GALNT17: variants seen among roughly 807,000 people sequenced by gnomAD.
The protein encoded by GALNT17 is polypeptide N-acetylgalactosaminyltransferase 17.
GALNT17 carries 29 observed loss-of-function variants against 63.7 expected under a neutral mutation model. The ratio of observed to expected loss-of-function variants is 0.46; its 90% CI spans 0.34 to 0.62. GALNT17 has a LOEUF of 0.62. Among genes scored for constraint, GALNT17 ranks in the 20% least tolerant of loss-of-function variants. The pLI is 0.01. For synonymous variants in GALNT17, 305 were observed against 318.3 expected (o/e 0.96, Z 0.45); for missense variants, 603 against 799.6 (o/e 0.75, Z 2.97).
chr7:71,512,483 C>A (rs549948833), intron 5 of GALNT17, among the ~76,000 whole-genome samples: 21 of 152,176 alleles, frequency 1.4e-4, no homozygotes, highest in Non-Finnish European at 2.5e-4. Flanking sequence ...TCCAAGTCGT[C>A]CACCAGCCTT....
intron 5 of GALNT17, among the ~76,000 whole-genome samples, chr7:71,529,968 A>G (rs1205555837): frequency 6.6e-6 from 1 of 152,244 alleles, no homozygotes; most frequent in Non-Finnish European, 1.5e-5. Context: ...TTTTGTTTAA[A>G]AATAGAGATT....
chr7:71,455,753 G>C (rs1787344069), intron 5 of GALNT17, among the ~76,000 whole-genome samples: 1 of 152,188 alleles, frequency 6.6e-6, no homozygotes, highest in South Asian at 2.1e-4. Context: ...AAATATCACA[G>C]TGGCTAGGAG....
At position 71,288,213 on chromosome 7, in the gene GALNT17, C is replaced by T. The variant is rs999047605; in HGVS notation, c.239-47337C>T. Reference sequence around the variant, plus strand: ...CCTGGGCGACAGAGTGGGACTCCATCTCAAAAAAAAAAAAAAAAAAAAAAA... The same window carrying T: ...CCTGGGCGACAGAGTGGGACTCCATTTCAAAAAAAAAAAAAAAAAAAAAAA... On this transcript the variant is annotated intron_variant, in intron 1 of 10. Transcript: ENST00000333538. 1.0e-3 allele frequency among the ~76,000 whole-genome samples: 32 copies of T among 30,764 alleles called. No individual in the cohort carries two copies. In the Admixed American group the frequency reaches 0.011, roughly 11 times the overall value. 20.2% of individuals were successfully genotyped at this position (30,764 alleles called of 152,430 possible).
intron 1 of GALNT17, among the ~76,000 whole-genome samples, chr7:71,196,523 A>G (rs1363474028): frequency 6.6e-6 from 1 of 151,986 alleles, no homozygotes; most frequent in African/African-American, 2.4e-5. Context: ...GTCTCCTCCT[A>G]CTGAATTATT....
intron 5 of GALNT17, among the ~76,000 whole-genome samples, chr7:71,445,781 T>C (rs962336588): frequency 3.3e-5 from 5 of 152,178 alleles, no homozygotes; most frequent in Non-Finnish European, 7.3e-5. Context: ...CCACAGGACC[T>C]TGGGCGGGAA....
intron 1 of GALNT17, among the ~76,000 whole-genome samples, chr7:71,300,177 A>T (rs1467794462): frequency 6.6e-6 from 1 of 152,178 alleles, no homozygotes; most frequent in Admixed American, 6.5e-5. Flanking sequence ...ATGTTCAATA[A>T]AACTTTTGTG....
intron 6 of GALNT17, among the ~76,000 whole-genome samples, chr7:71,585,984 C>G (rs1174560609): frequency 6.7e-6 from 1 of 149,128 alleles, no homozygotes; most frequent in African/African-American, 2.5e-5. Context: ...GATCTTGGCT[C>G]ATTGCAACCT....
intron 4 of GALNT17, among the ~76,000 whole-genome samples, chr7:71,417,065 A>T (rs1786547934): frequency 6.6e-6 from 1 of 152,200 alleles, no homozygotes; most frequent in Non-Finnish European, 1.5e-5. Context: ...ATCAAGTTAG[A>T]GGTTAAATAA....
chr7:71,663,890 C>T (rs952065872), intron 6 of GALNT17, among the ~76,000 whole-genome samples: 1 of 152,164 alleles, frequency 6.6e-6, no homozygotes, highest in African/African-American at 2.4e-5. Context: ...AGCTCACCTG[C>T]AAAAACTGTC....
chr7:71,445,962 GA>G (rs914308979), intron 5 of GALNT17, among the ~76,000 whole-genome samples: 15 of 152,278 alleles, frequency 9.9e-5, no homozygotes, highest in Middle Eastern at 3.4e-3. Flanking sequence ...TATTCAGGGG[GA>G]AAAAAATCCC....
At chr7:71,648,701 C>T (rs1790715209) in intron 6 of GALNT17, among the ~76,000 whole-genome samples, 1 of 152,220 alleles carries the variant, frequency 6.6e-6, no homozygotes, top group African/African-American at 2.4e-5. Context: ...CCTCCCAAAA[C>T]ACTGGGATTA....
intron 2 of GALNT17, among the ~76,000 whole-genome samples, chr7:71,368,927 G>T (rs530803042): frequency 6.8e-6 from 1 of 147,832 alleles, no homozygotes; most frequent in Admixed American, 6.7e-5. Flanking sequence ...GGGGTGGGGG[G>T]GGGTGTTCCT....
At chr7:71,696,271 C>A (rs950134491) in intron 9 of GALNT17, among the ~76,000 whole-genome samples, 2 of 92,704 alleles carry the variant, frequency 2.2e-5, no homozygotes, top group African/African-American at 6.7e-5. Flanking sequence ...TGCCACCATG[C>A]CCAGCTAGTT....
chr7:71,516,529 C>T (rs1432950627), intron 5 of GALNT17, among the ~76,000 whole-genome samples: 1 of 152,174 alleles, frequency 6.6e-6, no homozygotes, highest in Non-Finnish European at 1.5e-5. Context: ...TATGCTTTCT[C>T]TCCTGTCTCC....
At chr7:71,190,791 C>T (rs967774236) in intron 1 of GALNT17, among the ~76,000 whole-genome samples, 2 of 151,570 alleles carry the variant, frequency 1.3e-5, no homozygotes, top group African/African-American at 4.8e-5. Context: ...ACCACCATGC[C>T]CACCTGTATT....
intron 1 of GALNT17, among the ~76,000 whole-genome samples, chr7:71,212,912 A>G (rs1478872476): frequency 1.3e-5 from 2 of 152,196 alleles, no homozygotes; most frequent in South Asian, 4.1e-4. Flanking sequence ...CATAGGAGGA[A>G]GGGACTTGCC....
At chr7:71,373,889 A>G (rs1332089128) in intron 2 of GALNT17, among the ~76,000 whole-genome samples, 4 of 152,290 alleles carry the variant, frequency 2.6e-5, no homozygotes, top group East Asian at 1.9e-4. Context: ...CTCCAAACAT[A>G]TCATATTGTT....
At chr7:71,538,779 C>A (rs1040000904) in intron 5 of GALNT17, among the ~76,000 whole-genome samples, 2 of 150,850 alleles carry the variant, frequency 1.3e-5, no homozygotes, top group South Asian at 2.1e-4. Flanking sequence ...CTGGTCTCAT[C>A]TTCTATTGAA....
intron 1 of GALNT17, among the ~76,000 whole-genome samples, chr7:71,197,897 T>C (rs1319874747): frequency 6.6e-6 from 1 of 151,940 alleles, no homozygotes; most frequent in Non-Finnish European, 1.5e-5. Context: ...ATTGTAATCT[T>C]CTGTAAAAAG....
Sources: gnomAD v4.1 joint callset for allele counts (sites outside exome capture counted in the v4.1 genomes callset) on GRCh38, gnomAD v4.1.1 for gene constraint, MANE v1.5 for transcripts, NCBI Gene and HGNC (gene_info 2026-07-23, HGNC 2026-07-21) for gene names.